Variants in ARHGEF10 observed in about 807,000 individuals in gnomAD.
ARHGEF10 encodes Rho guanine nucleotide exchange factor (GEF) 10.
In ARHGEF10, 140 loss-of-function variants were observed where a neutral mutation model predicts 147.4. The observed-to-expected ratio is 0.95, with a 90% CI of 0.83 to 1.09. ARHGEF10 has a LOEUF of 1.09. Among genes scored for constraint, ARHGEF10 ranks in the 50% least tolerant of loss-of-function variants. The pLI is 0.00. For synonymous variants in ARHGEF10, 902 were observed against 695.8 expected, an observed-to-expected ratio of 1.30 and a Z score of -4.67; for missense variants, 2,222 against 1,752.7, an observed-to-expected ratio of 1.27 and a Z score of -4.78.
chr8:1,910,487 T>C lies in ARHGEF10; in HGVS notation c.2143+1017T>C, dbSNP rs900499413. 2.0e-5 allele frequency among the ~76,000 whole-genome samples: 3 copies of C among 152,224 alleles called. No individual in the cohort carries two copies. The East Asian group carries it at 5.8e-4, about 29-fold the overall frequency. On this transcript the variant is annotated intron_variant, in intron 18 of 28. Transcript: ENST00000349830. ...TTGTAATCTCTTAAATTTCTGACTCTTAAATCCTCGTCCTATTTAAAGTGG... is the reference window on the plus strand; with the variant it reads ...TTGTAATCTCTTAAATTTCTGACTCCTAAATCCTCGTCCTATTTAAAGTGG...
At chr8:1,823,474 C>A (rs1802524121), upstream of ARHGEF10, among the ~76,000 whole-genome samples, 1 of 151,980 alleles carries the variant, frequency 6.6e-6, no homozygotes, top group African/African-American at 2.4e-5. Context: ...CTGCCCGACG[C>A]CCCCTCCCTC....
At chr8:1,899,166 G>T (rs2129167605) in intron 15 of ARHGEF10, among the ~76,000 whole-genome samples, 1 of 152,290 alleles carries the variant, frequency 6.6e-6, no homozygotes, top group African/African-American at 2.4e-5. Context: ...ACGGCCTCTA[G>T]GTCACGTCTG....
chr8:1,932,919 C>T (rs994124534), intron 25 of ARHGEF10, among the ~76,000 whole-genome samples: 2 of 152,130 alleles, frequency 1.3e-5, no homozygotes, highest in African/African-American at 2.4e-5. Context: ...CTTTTAAGGT[C>T]GATGCCTTAA....
chr8:1,933,650 G>A (rs887929810), intron 25 of ARHGEF10, 150 bp from the exon 26 acceptor site: 23 of 1,053,410 alleles, frequency 2.2e-5, no homozygotes, highest in African/African-American at 2.1e-4. Flanking sequence ...TCAGCTTGTC[G>A]ATCCCCAGAC....
At chr8:1,842,757 A>G (rs537252837) in intron 1 of ARHGEF10, among the ~76,000 whole-genome samples, 2 of 152,234 alleles carry the variant, frequency 1.3e-5, no homozygotes, top group Admixed American at 1.3e-4. Context: ...GCTGGCATCT[A>G]GCTCACACTC....
chr8:1,901,431 C>G (rs753575362), intron 15 of ARHGEF10, among the ~76,000 whole-genome samples: 14 of 152,236 alleles, frequency 9.2e-5, no homozygotes, highest in Non-Finnish European at 2.1e-4. Flanking sequence ...GGCAGTGAAA[C>G]CGGCTCACCC....
At position 1,837,786 on chromosome 8, in the gene ARHGEF10, C is replaced by T. The variant is rs184015465; in HGVS notation, c.-47-5567C>T. On this transcript the variant is annotated intron_variant, in intron 1 of 28. Transcript: ENST00000349830. ...TGAAGCCCGAGGCTGCCTGGCTCCT[C>T]GGCTGCGTCGTATTACTAATGTTGG... Among the ~76,000 whole-genome samples, 765 of 152,290 alleles carry T rather than the reference C, an allele frequency of 5.0e-3. 2 individuals carry two copies. Among genetic ancestry groups the T allele is most frequent in the African/African-American group, 0.017 (725 of 41,564 alleles).
intron 25 of ARHGEF10, among the ~76,000 whole-genome samples, chr8:1,932,354 G>A (rs1257776170): frequency 1.3e-5 from 2 of 152,222 alleles, no homozygotes; most frequent in Non-Finnish European, 2.9e-5. Context: ...TGTGTGTGCA[G>A]GCGTGTGTGT....
At position 1,929,077 on chromosome 8, in the gene ARHGEF10, A is replaced by C. The variant is rs188949723; in HGVS notation, c.2922-209A>C. On this transcript the variant is annotated intron_variant, in intron 24 of 28. Transcript: ENST00000349830. ...CCAAGATACACAGTAGGAAGAACTAAGTTTTTTCATATATCCCAGAATTTC... is the reference window on the plus strand; with the variant it reads ...CCAAGATACACAGTAGGAAGAACTACGTTTTTTCATATATCCCAGAATTTC... Among the ~76,000 whole-genome samples the C allele has an allele frequency of 4.2e-3, 619 of 147,782 alleles. 17 individuals are homozygous for C. The highest frequency in any genetic ancestry group is 0.034 in the Admixed American group (500 of 14,762).
intron 9 of ARHGEF10, among the ~76,000 whole-genome samples, chr8:1,881,209 C>A (rs973189641): frequency 1.4e-4 from 21 of 152,276 alleles, no homozygotes; most frequent in African/African-American, 4.8e-4. Flanking sequence ...GGTGAGAACA[C>A]CCCTGTGTCA....
At chr8:1,895,698 TC>T (rs1324465995) in intron 13 of ARHGEF10, among the ~76,000 whole-genome samples, 1 of 152,238 alleles carries the variant, frequency 6.6e-6, no homozygotes, top group Non-Finnish European at 1.5e-5. Context: ...ATTCCTGCTA[TC>T]AATGCCAGTC....
At chr8:1,826,358 T>G (rs572450499) in intron 1 of ARHGEF10, among the ~76,000 whole-genome samples, 6 of 150,206 alleles carry the variant, frequency 4.0e-5, no homozygotes, top group African/African-American at 1.5e-4. Flanking sequence ...GTGTATGTGT[T>G]TGTGTTTGTA....
At chr8:1,901,947 T>C (rs1810496393) in intron 15 of ARHGEF10, among the ~76,000 whole-genome samples, 1 of 151,872 alleles carries the variant, frequency 6.6e-6, no homozygotes, top group Admixed American at 6.6e-5. Context: ...CTAATATTCC[T>C]ATAAACATGT....
intron 11 of ARHGEF10, among the ~76,000 whole-genome samples, chr8:1,891,535 T>A (rs1329363924): frequency 6.6e-6 from 1 of 152,048 alleles, no homozygotes; most frequent in African/African-American, 2.4e-5. Context: ...ATGAGGAAGG[T>A]CAGGCTGGGC....
intron 18 of ARHGEF10, among the ~76,000 whole-genome samples, chr8:1,918,251 C>A (rs934721362): frequency 5.3e-5 from 8 of 152,158 alleles, no homozygotes; most frequent in Admixed American, 5.2e-4. Flanking sequence ...TGTCCCCATT[C>A]ATGAGGAAGC....
intron 10 of ARHGEF10, among the ~76,000 whole-genome samples, chr8:1,884,058 G>T (rs1808438350): frequency 6.6e-6 from 1 of 152,126 alleles, no homozygotes; most frequent in Admixed American, 6.6e-5. Flanking sequence ...TGGTTTAGGG[G>T]TACTCTTTTG....
chr8:1,828,279 T>A (rs1395425815), intron 1 of ARHGEF10, among the ~76,000 whole-genome samples: 1 of 152,278 alleles, frequency 6.6e-6, no homozygotes, highest in Non-Finnish European at 1.5e-5. Context: ...CACTTGGATG[T>A]GGTCGTTATT....
intron 2 of ARHGEF10, among the ~76,000 whole-genome samples, chr8:1,855,019 C>G (rs1490734417): frequency 6.6e-6 from 1 of 152,122 alleles, no homozygotes; most frequent in Non-Finnish European, 1.5e-5. Context: ...TCGGTGTCTC[C>G]TCAGGGCTGT....
intron 4 of ARHGEF10, among the ~76,000 whole-genome samples, chr8:1,861,096 G>T (rs959424420): frequency 5.5e-4 from 83 of 152,224 alleles, no homozygotes; most frequent in Non-Finnish European, 4.4e-5. Flanking sequence ...CCTCGTGGGT[G>T]CCTCGCTCAC....
Sources: gnomAD v4.1 joint callset for allele counts (sites outside exome capture counted in the v4.1 genomes callset) on GRCh38, gnomAD v4.1.1 for gene constraint, MANE v1.5 for transcripts, NCBI Gene and HGNC (gene_info 2026-07-23, HGNC 2026-07-21) for gene names.